DTNA: variants seen among roughly 807,000 people sequenced by gnomAD.
DTNA encodes dystrobrevin alpha.
In DTNA, 43 loss-of-function variants were observed where a neutral mutation model predicts 100.7. That is an observed-to-expected ratio of 0.43 (90% CI 0.33 to 0.55). The LOEUF is 0.55. Ranked by LOEUF, DTNA falls within the 20% of genes least tolerant of loss-of-function variation. DTNA has a pLI of 0.04. For synonymous variants in DTNA, 349 were observed against 347.9 expected, an observed-to-expected ratio of 1.00 and a Z score of -0.04; for missense variants, 798 against 953.9, an observed-to-expected ratio of 0.84 and a Z score of 2.15.
At chr18:34,567,692 T>A (rs1283137225) in intron 1 of DTNA, among the ~76,000 whole-genome samples, 2 of 152,096 alleles carry the variant, frequency 1.3e-5, no homozygotes, top group Non-Finnish European at 2.9e-5. Context: ...TAAAAAAAAA[T>A]TTTACCTAAC....
chr18:34,873,875 G>A (rs1190615040), intron 17 of DTNA, among the ~76,000 whole-genome samples: 1 of 152,136 alleles, frequency 6.6e-6, no homozygotes, highest in Non-Finnish European at 1.5e-5. Context: ...GAAGCAGGCT[G>A]CAAAAACATC....
intron 3 of DTNA, among the ~76,000 whole-genome samples, chr18:34,772,970 AGACT>A (rs1216329460): frequency 6.6e-6 from 1 of 152,178 alleles, no homozygotes; most frequent in African/African-American, 2.4e-5. Context: ...TGTCAGCTGG[AGACT>A]ACCTTCAGTT....
intron 11 of DTNA, among the ~76,000 whole-genome samples, chr18:34,834,006 C>T (rs1460754096): frequency 6.6e-6 from 1 of 152,156 alleles, no homozygotes; most frequent in Non-Finnish European, 1.5e-5. Context: ...GATCCCAAAT[C>T]CCACAAAGAA....
In DTNA at chr18:34,584,998, T is replaced by C. The variant is rs558191178; in HGVS notation, c.-2+91484T>C. ...GTATTTCTAAACAATGAATTCTGTGTAAAGTAAAAGTAACAATTAATGTAA... is the reference window on the plus strand; with the variant it reads ...GTATTTCTAAACAATGAATTCTGTGCAAAGTAAAAGTAACAATTAATGTAA... On this transcript the variant is annotated intron_variant, in intron 1 of 19. Transcript: ENST00000283365. Among the ~76,000 whole-genome samples the C allele has an allele frequency of 2.0e-5, 3 of 152,262 alleles. No homozygotes were observed. In the East Asian group the frequency reaches 5.8e-4, roughly 29 times the overall value.
chr18:34,812,510 G>A lies in DTNA; in HGVS notation c.603+397G>A, dbSNP rs2095505866. Among the ~76,000 whole-genome samples the A allele has an allele frequency of 2.6e-5, 4 of 152,194 alleles. No homozygotes were observed. In the South Asian group the frequency reaches 8.3e-4, roughly 31 times the overall value. ...ACTTACAATCCTGGTGGAAGGTGAA[G>A]GGAAGCAAAGACCTACCTTCTTCAC... On this transcript the variant is annotated intron_variant, in intron 6 of 22. Coordinates refer to ENST00000444659, the MANE Select transcript of DTNA (RefSeq NM_001386795.1).
intron 11 of DTNA, among the ~76,000 whole-genome samples, chr18:34,833,648 T>G (rs1224047630): frequency 6.6e-6 from 1 of 152,156 alleles, no homozygotes; most frequent in Non-Finnish European, 1.5e-5. Flanking sequence ...AGTGATAATA[T>G]GTATGTGAAA....
rs1036286189 is a variant in DTNA, at chr18:34,815,384, A to T, written c.604-525A>T. On this transcript the variant is annotated intron_variant, in intron 6 of 22. Coordinates refer to ENST00000444659, the MANE Select transcript of DTNA (RefSeq NM_001386795.1). ...AAGTAATAAAAGGAGCAAATTTTTA[A>T]AAATGTAGATGGTTCTGTCCTAACA... is the stretch of plus-strand genomic sequence containing the variant. 3.3e-5 allele frequency among the ~76,000 whole-genome samples: 5 copies of T among 152,334 alleles called. No individual in the cohort carries two copies. In the East Asian group the frequency reaches 9.6e-4, roughly 29 times the overall value.
chr18:34,791,742 A>C (rs2094753499), intron 3 of DTNA, among the ~76,000 whole-genome samples: 1 of 152,206 alleles, frequency 6.6e-6, no homozygotes, highest in African/African-American at 2.4e-5. Flanking sequence ...CAAATCAGAG[A>C]TATATTGCAA....
At chr18:34,568,423 T>A (rs1042013315) in intron 1 of DTNA, among the ~76,000 whole-genome samples, 1 of 152,146 alleles carries the variant, frequency 6.6e-6, no homozygotes, top group Admixed American at 6.5e-5. Flanking sequence ...CTGGCACTTC[T>A]GTTCAGGGTT....
intron 2 of DTNA, 48 bp from the exon 3 acceptor site, chr18:34,765,913 C>T: frequency 6.3e-7 from 1 of 1,579,230 alleles, no homozygotes; most frequent in South Asian, 1.1e-5. Flanking sequence ...TTGTAAATTT[C>T]TTTCTGCACA....
intron 1 of DTNA, among the ~76,000 whole-genome samples, chr18:34,621,440 A>G (rs1413203536): frequency 1.3e-5 from 2 of 152,128 alleles, no homozygotes; most frequent in African/African-American, 4.8e-5. Flanking sequence ...GTGTCTGTCA[A>G]TGGATGGATG....
chr18:34,684,939 A>G (rs1460950939), intron 1 of DTNA, among the ~76,000 whole-genome samples: 2 of 152,188 alleles, frequency 1.3e-5, no homozygotes, highest in African/African-American at 4.8e-5. Context: ...GGCCGCATAA[A>G]TGTCTTCTTT....
chr18:34,712,590 C>T (rs891665493), intron 1 of DTNA, among the ~76,000 whole-genome samples: 4 of 152,164 alleles, frequency 2.6e-5, no homozygotes, highest in South Asian at 2.1e-4. Context: ...ATGGAAGATT[C>T]TTTTATAGTT....
chr18:34,673,989 T>C (rs994465917), intron 1 of DTNA, among the ~76,000 whole-genome samples: 3 of 152,364 alleles, frequency 2.0e-5, no homozygotes, highest in South Asian at 2.1e-4. Flanking sequence ...ATACCCAGAA[T>C]TGTGAAGTAC....
rs1349780083 is a variant in DTNA, at chr18:34,868,759, T to C, written c.1743+4697T>C. ...ATTAAAAAAAATAGTGCCTGTAATA[T>C]AATGTGATGATTATGATATCACAAG... On this transcript the variant is annotated intron_variant, in intron 17 of 22. Transcript: ENST00000444659. 7 of 985,170 alleles carry C rather than the reference T, an allele frequency of 7.1e-6. No homozygotes were observed. In the Admixed American group the frequency reaches 1.8e-4, roughly 26 times the overall value. The allele number at this position is 985,170 out of a possible 1,614,324, so 61.0% of individuals were successfully genotyped here. A position where few individuals can be genotyped will look rare whatever the true frequency, so the allele number is the denominator to read the frequency against.
chr18:34,585,125 A>T (rs532301566), intron 1 of DTNA, among the ~76,000 whole-genome samples: 2 of 152,156 alleles, frequency 1.3e-5, no homozygotes, highest in African/African-American at 4.8e-5. Context: ...CCACCCACCC[A>T]TGAGGGAGTC....
chr18:34,599,145 G>A (rs1425332920), intron 1 of DTNA, among the ~76,000 whole-genome samples: 11 of 152,076 alleles, frequency 7.2e-5, no homozygotes, highest in Non-Finnish European at 1.5e-5. Context: ...TCTCATACAG[G>A]ACACTCCTAC....
intron 18 of DTNA, among the ~76,000 whole-genome samples, chr18:34,876,526 T>C (rs900692635): frequency 6.6e-6 from 1 of 152,166 alleles, no homozygotes; most frequent in African/African-American, 2.4e-5. Context: ...CCAATAAATA[T>C]ATGAAAAGAT....
At chr18:34,606,608 G>A (rs2053173385) in intron 1 of DTNA, among the ~76,000 whole-genome samples, 1 of 152,132 alleles carries the variant, frequency 6.6e-6, no homozygotes, top group Non-Finnish European at 1.5e-5. Context: ...CATACATATG[G>A]TGATAGTTTA....
Sources: gnomAD v4.1 joint callset for allele counts (sites outside exome capture counted in the v4.1 genomes callset) on GRCh38, gnomAD v4.1.1 for gene constraint, MANE v1.5 for transcripts, NCBI Gene and HGNC (gene_info 2026-07-23, HGNC 2026-07-21) for gene names.